CHRM3: variants seen among roughly 807,000 people sequenced by gnomAD.
The protein encoded by CHRM3 is cholinergic receptor muscarinic 3.
Under a neutral mutation model 41.8 loss-of-function variants are expected in CHRM3, and 11 were observed. That is an observed-to-expected ratio of 0.26 (90% CI 0.17 to 0.44). CHRM3 has a LOEUF of 0.44. Among genes scored for constraint, CHRM3 ranks in the 20% least tolerant of loss-of-function variants. The pLI, the probability that CHRM3 is intolerant of heterozygous loss-of-function variation, is 1.00. For missense variants in CHRM3, 571 were observed against 745.4 expected, an observed-to-expected ratio of 0.77 and a Z score of 2.72; for synonymous variants, 297 against 301.4, an observed-to-expected ratio of 0.99 and a Z score of 0.15.
chr1:239,614,312 G>A (rs1338915), intron 3 of CHRM3, among the ~76,000 whole-genome samples: 65,675 of 151,994 alleles, frequency 0.43, 16,993 homozygotes, highest in African/African-American at 0.73. Flanking sequence ...GATTAGTTAC[G>A]TTTCTCAAAA....
At chr1:239,475,538 A>T (rs917847306) in intron 1 of CHRM3, among the ~76,000 whole-genome samples, 7 of 152,144 alleles carry the variant, frequency 4.6e-5, no homozygotes, top group African/African-American at 1.7e-4. Flanking sequence ...GGGATATATG[A>T]CAAGTAAATC....
chr1:239,504,305 C>G (rs1668426815), intron 2 of CHRM3, among the ~76,000 whole-genome samples: 1 of 152,038 alleles, frequency 6.6e-6, no homozygotes, highest in South Asian at 2.1e-4. Flanking sequence ...GACCAACAAA[C>G]ATGAAAAAAT....
chr1:239,905,308 G>A (rs1679885943), intron 6 of CHRM3, among the ~76,000 whole-genome samples: 1 of 152,144 alleles, frequency 6.6e-6, no homozygotes, highest in Non-Finnish European at 1.5e-5. Context: ...TTGTCTGGAT[G>A]GAACTCTTTA....
At chr1:239,658,713 C>T (rs1482648445) in intron 4 of CHRM3, among the ~76,000 whole-genome samples, 2 of 152,020 alleles carry the variant, frequency 1.3e-5, no homozygotes, top group East Asian at 3.9e-4. Flanking sequence ...AGAACATCCT[C>T]TCATAGCTTC....
intron 2 of CHRM3, among the ~76,000 whole-genome samples, chr1:239,537,450 G>A (rs941348327): frequency 1.4e-4 from 22 of 151,956 alleles, no homozygotes; most frequent in African/African-American, 4.6e-4. Context: ...GATTACTATC[G>A]AGGACCTCAC....
intron 1 of CHRM3, among the ~76,000 whole-genome samples, chr1:239,459,023 T>A (rs1665165118): frequency 6.6e-6 from 1 of 152,208 alleles, no homozygotes; most frequent in Admixed American, 6.6e-5. Flanking sequence ...TTATGTTCAC[T>A]GTAGTTAGGG....
chr1:239,420,182 A>G (rs904056742), intron 1 of CHRM3, among the ~76,000 whole-genome samples: 6 of 152,106 alleles, frequency 3.9e-5, no homozygotes, highest in Admixed American at 3.9e-4. Flanking sequence ...GTCGCTTTTC[A>G]TCACCCAAAG....
At chr1:239,783,299 T>C (rs1009372742) in intron 5 of CHRM3, among the ~76,000 whole-genome samples, 5 of 151,956 alleles carry the variant, frequency 3.3e-5, no homozygotes, top group African/African-American at 9.7e-5. Context: ...TAAGAAACAA[T>C]ATTTTGGAAA....
At chr1:239,862,104 C>G (rs369128348) in intron 6 of CHRM3, among the ~76,000 whole-genome samples, 1 of 152,124 alleles carries the variant, frequency 6.6e-6, no homozygotes, top group African/African-American at 2.4e-5. Flanking sequence ...TTAACTAAGG[C>G]TGCAAAATTA....
At chr1:239,662,931 C>CTTCTTCTTCTTCTTCTTCTTCTTCTTCT (rs1558431560) in intron 4 of CHRM3, among the ~76,000 whole-genome samples, 2 of 143,956 alleles carry the variant, frequency 1.4e-5, no homozygotes, top group African/African-American at 5.2e-5. Flanking sequence ...TCTTCTTCTT[C>CTTCTTCTTCTTCTTCTTCTTCTTCTTCT]TCCTCTTCTT....
At chr1:239,414,734 T>G (rs1211834556) in intron 1 of CHRM3, among the ~76,000 whole-genome samples, 1 of 152,218 alleles carries the variant, frequency 6.6e-6, no homozygotes, top group African/African-American at 2.4e-5. Flanking sequence ...CTGGTCAGTT[T>G]CTTAGGAGCT....
At chr1:239,435,694 G>C (rs1663201194) in intron 1 of CHRM3, among the ~76,000 whole-genome samples, 1 of 152,078 alleles carries the variant, frequency 6.6e-6, no homozygotes, top group African/African-American at 2.4e-5. Context: ...TACTGAAAGA[G>C]TATCCTAGTG....
intron 5 of CHRM3, among the ~76,000 whole-genome samples, chr1:239,805,325 C>T (rs112344432): frequency 2.7e-4 from 41 of 152,268 alleles, no homozygotes; most frequent in Non-Finnish European, 4.7e-4. Context: ...AACTCATAGG[C>T]CTGGAGCTAA....
intron 6 of CHRM3, among the ~76,000 whole-genome samples, chr1:239,894,356 G>A (rs935955690): frequency 6.6e-6 from 1 of 152,218 alleles, no homozygotes; most frequent in Non-Finnish European, 1.5e-5. Flanking sequence ...CGCCTTGCCG[G>A]CATGCCCAGG....
At chr1:239,407,330 AATAT>A (rs931226435) in intron 1 of CHRM3, among the ~76,000 whole-genome samples, 1 of 151,472 alleles carries the variant, frequency 6.6e-6, no homozygotes, top group Non-Finnish European at 1.5e-5. Context: ...TGCCTGACAA[AATAT>A]ATATTTATTT....
At chr1:239,400,544 A>C (rs1659881003) in intron 1 of CHRM3, among the ~76,000 whole-genome samples, 1 of 152,116 alleles carries the variant, frequency 6.6e-6, no homozygotes, top group African/African-American at 2.4e-5. Flanking sequence ...AATGTTCTAA[A>C]CATTTTCCAG....
At chr1:239,712,685 A>G (rs1661927922) in intron 5 of CHRM3, among the ~76,000 whole-genome samples, 1 of 152,180 alleles carries the variant, frequency 6.6e-6, no homozygotes, top group Non-Finnish European at 1.5e-5. Flanking sequence ...ACAGTAATAA[A>G]TCTATTCGGT....
chr1:239,675,002 A>AT (rs1320649651), intron 4 of CHRM3, among the ~76,000 whole-genome samples: 2 of 152,034 alleles, frequency 1.3e-5, no homozygotes, highest in African/African-American at 2.4e-5. Context: ...TTCTTCTTGC[A>AT]TGGATTATCC....
chr1:239,441,861 T>C (rs1411717183), intron 1 of CHRM3, among the ~76,000 whole-genome samples: 1 of 152,238 alleles, frequency 6.6e-6, no homozygotes, highest in Non-Finnish European at 1.5e-5. Flanking sequence ...AGCTGAACTA[T>C]TGCCTCACTT....
Sources: gnomAD v4.1 joint callset for allele counts (sites outside exome capture counted in the v4.1 genomes callset) on GRCh38, gnomAD v4.1.1 for gene constraint, MANE v1.5 for transcripts, NCBI Gene and HGNC (gene_info 2026-07-23, HGNC 2026-07-21) for gene names.